DRG1: variants seen among roughly 807,000 people sequenced by gnomAD.
DRG1 encodes developmentally-regulated GTP-binding protein 1.
In DRG1, 19 loss-of-function variants were observed where a neutral mutation model predicts 38.8. The observed-to-expected ratio is 0.49, with a 90% CI of 0.34 to 0.72. The LOEUF (loss-of-function observed/expected upper bound fraction) is 0.72, where lower values mean the gene tolerates loss of function less well. Among genes scored for constraint, DRG1 ranks in the 30% least tolerant of loss-of-function variants. DRG1 has a pLI of 0.01. For missense variants in DRG1, 299 were observed against 444.8 expected (o/e 0.67, Z 2.95); for synonymous variants, 167 against 157.5 (o/e 1.06, Z -0.45).
intron 8 of DRG1, among the ~76,000 whole-genome samples, chr22:31,431,013 C>T (rs1241441194): frequency 1.4e-5 from 2 of 141,802 alleles, no homozygotes; most frequent in Non-Finnish European, 3.1e-5. Flanking sequence ...CCACTGCACC[C>T]GGCCTTCCCC....
intron 5 of DRG1, 119 bp downstream of exon 5, chr22:31,420,544 A>G (rs2050071343): frequency 8.1e-7 from 1 of 1,228,930 alleles, no homozygotes; most frequent in Admixed American, 2.6e-5. Flanking sequence ...TAATTGAGAT[A>G]ACACAATGAC....
intron 3 of DRG1, among the ~76,000 whole-genome samples, chr22:31,406,658 G>A (rs1321309679): frequency 4.0e-5 from 6 of 149,170 alleles, no homozygotes; most frequent in Non-Finnish European, 7.4e-5. Flanking sequence ...CTGGGCGACA[G>A]AATGAGACCC....
chr22:31,432,417 G>T (rs1361105029), intron 8 of DRG1, among the ~76,000 whole-genome samples: 21 of 148,116 alleles, frequency 1.4e-4, no homozygotes, highest in African/African-American at 4.5e-4. Flanking sequence ...TGTGTTTTTT[G>T]TGTGTGTGTG....
chr22:31,399,784 G>A, intron 1 of DRG1, 59 bp downstream of exon 1: 1 of 1,611,616 alleles, frequency 6.2e-7, no homozygotes, highest in Non-Finnish European at 8.5e-7. Flanking sequence ...TGGTGGCGTC[G>A]CTCCTTCCTG....
intron 6 of DRG1, among the ~76,000 whole-genome samples, chr22:31,426,041 T>G (rs2050108357): frequency 6.6e-6 from 1 of 152,218 alleles, no homozygotes; most frequent in Non-Finnish European, 1.5e-5. Flanking sequence ...TATTATTTAT[T>G]GTACCAATAA....
intron 6 of DRG1, among the ~76,000 whole-genome samples, chr22:31,425,409 T>C (rs1172033413): frequency 2.0e-5 from 3 of 151,956 alleles, no homozygotes; most frequent in Non-Finnish European, 4.4e-5. Flanking sequence ...CCTAAGAGTA[T>C]GTAGCTGAAT....
chr22:31,400,874 A>ATT, intron 2 of DRG1, 131 bp downstream of exon 2: 11 of 1,073,364 alleles, frequency 1.0e-5, no homozygotes, highest in Non-Finnish European at 1.3e-5. Context: ...GCATGCTGGG[A>ATT]GGCTGAGATA....
intron 3 of DRG1, among the ~76,000 whole-genome samples, chr22:31,404,440 C>T (rs942955357): frequency 6.6e-6 from 1 of 151,994 alleles, no homozygotes; most frequent in Non-Finnish European, 1.5e-5. Context: ...CGGGGTTTCA[C>T]CATGTTGGTC....
Position 31,405,753 on chromosome 22 carries a change from A to G in DRG1, c.342+2549A>G, listed in dbSNP as rs553094415. On this transcript the variant is annotated intron_variant, in intron 3 of 8. Transcript: ENST00000331457. ...GCCCAGGCTGGAGTGCAGTGGCGTGATCTTGGCTCACTACAATCTCCGCCT... is the reference window on the plus strand; with the variant it reads ...GCCCAGGCTGGAGTGCAGTGGCGTGGTCTTGGCTCACTACAATCTCCGCCT... Among the ~76,000 whole-genome samples the G allele has an allele frequency of 5.3e-5, 8 of 151,848 alleles. No homozygotes were observed. The South Asian group carries it at 1.5e-3, about 28-fold the overall frequency.
At chr22:31,420,511 A>G (rs903716150) in intron 5 of DRG1, 86 bp downstream of exon 5, 1 of 1,521,658 alleles carries the variant, frequency 6.6e-7, no homozygotes, top group South Asian at 1.2e-5. Context: ...GACATTGGAA[A>G]ATTTCCTGGC....
intron 6 of DRG1, among the ~76,000 whole-genome samples, chr22:31,424,842 C>T (rs1375274558): frequency 9.2e-6 from 1 of 108,534 alleles, no homozygotes; most frequent in Non-Finnish European, 1.7e-5. Context: ...TTGCTTTGTC[C>T]CCCAGGCTGG....
At chr22:31,421,019 G>A (rs1364695980) in intron 5 of DRG1, among the ~76,000 whole-genome samples, 1 of 152,134 alleles carries the variant, frequency 6.6e-6, no homozygotes, top group East Asian at 1.9e-4. Flanking sequence ...TTGAAGAAGA[G>A]CATTTGCTTC....
Position 31,427,071 on chromosome 22 carries a change from C to G in DRG1, c.893C>G (p.Pro298Arg). ...CCTCTCTATTCTAGTTACACCAAAC[C>G]CAAAGGCCAGTTACCAGATTACACA... is the stretch of plus-strand genomic sequence containing the variant. ...YLKLVRIYTKPKGQLPDYTSP... is the reference protein window; with the variant it reads ...YLKLVRIYTKRKGQLPDYTSP... Residue 298 changes from proline to arginine, a missense_variant, in exon 8 of 9, where the codon CCC (proline) becomes CGC (arginine). Pro to Arg is a moderately radical substitution (Grantham distance 103, BLOSUM62 -2). Coordinates refer to ENST00000331457, the MANE Select transcript of DRG1 (RefSeq NM_004147.4). 1.2e-6 allele frequency: 2 copies of G among 1,613,898 alleles called. No individual in the cohort carries two copies. The highest frequency in any genetic ancestry group is 1.7e-4 in the Middle Eastern group (1 of 6,054).
Position 31,400,637 on chromosome 22 carries a change from G to A in DRG1, c.60G>A (p.Lys20=). The A allele has an allele frequency of 6.2e-7, 1 of 1,613,016 alleles. No individual in the cohort carries two copies. Among genetic ancestry groups the A allele is most frequent in the South Asian group, 1.1e-5 (1 of 91,010 alleles). ...CCTTTTAGATGGCTCGGACTCAAAA[G>A]AACAAGGCCACAGCACACCACTTAG... The part of the protein sequence containing the change: ...EIEAEMARTQ[K]NKATAHHLGL... Residue 20 remains lysine, a synonymous_variant, in exon 2 of 9, where the codon AAG becomes AAA. Transcript: ENST00000331457.
chr22:31,413,535 AT>A (rs112950376), intron 4 of DRG1, among the ~76,000 whole-genome samples: 4,877 of 134,022 alleles, frequency 0.036, 203 homozygotes, highest in Admixed American at 0.089. Context: ...CTGTCTTCTG[AT>A]TTTTCCTTTT....
intron 4 of DRG1, among the ~76,000 whole-genome samples, chr22:31,411,867 A>G (rs1219070172): frequency 6.6e-6 from 1 of 152,076 alleles, no homozygotes; most frequent in African/African-American, 2.4e-5. Flanking sequence ...TATAAATTAG[A>G]AGTCATTTTC....
chr22:31,414,228 A>G (rs1215295564), intron 4 of DRG1, among the ~76,000 whole-genome samples: 1 of 152,150 alleles, frequency 6.6e-6, no homozygotes, highest in African/African-American at 2.4e-5. Flanking sequence ...GTCTGGATCT[A>G]TATTCTAATG....
rs574791492 is a variant in DRG1 at position 31,412,495 on chromosome 22, C to T, written c.412+1414C>T. ...CCTCCTGAGTAGCTGGGACTACAGG[C>T]GCCCGCCACCATGCACGGCTATTTT... On this transcript the variant is annotated intron_variant, in intron 4 of 8. Transcript: ENST00000331457. Among the ~76,000 whole-genome samples the T allele has an allele frequency of 1.9e-4, 28 of 150,272 alleles. No individual in the cohort carries two copies. The East Asian group carries it at 5.3e-3, about 28-fold the overall frequency.
intron 3 of DRG1, among the ~76,000 whole-genome samples, chr22:31,407,473 C>T (rs1473262767): frequency 1.3e-5 from 2 of 151,968 alleles, no homozygotes; most frequent in African/African-American, 4.8e-5. Flanking sequence ...GTAGCTGGGA[C>T]TATAGGCATG....
Sources: allele counts gnomAD v4.1 joint callset (sites outside exome capture counted in the v4.1 genomes callset), GRCh38; gene constraint gnomAD v4.1.1; transcripts MANE v1.5; gene names NCBI Gene and HGNC (gene_info 2026-07-23, HGNC 2026-07-21).